GLIS3: variants seen among roughly 807,000 people sequenced by gnomAD.
The protein encoded by GLIS3 is GLIS family zinc finger 3, also known as zinc finger protein GLIS3.
Under a neutral mutation model 78.6 loss-of-function variants are expected in GLIS3, and 53 were observed. The observed-to-expected ratio is 0.67, with a 90% CI of 0.54 to 0.85. The LOEUF is 0.85. Ranked by LOEUF, GLIS3 falls within the 40% of genes least tolerant of loss-of-function variation. The pLI is 0.00. For synonymous variants in GLIS3, 684 were observed against 509.9 expected (o/e 1.34, Z -4.60); for missense variants, 1,703 against 1,231.1 (o/e 1.38, Z -5.74).
intron 2 of GLIS3, among the ~76,000 whole-genome samples, chr9:4,282,312 C>A (rs895233233): frequency 2.0e-5 from 3 of 152,206 alleles, no homozygotes; most frequent in African/African-American, 7.2e-5. Context: ...AGGTCCAACA[C>A]TACTCTGGGC....
chr9:4,161,578 G>T (rs977502933), intron 2 of GLIS3, among the ~76,000 whole-genome samples: 5 of 151,230 alleles, frequency 3.3e-5, no homozygotes, highest in Non-Finnish European at 5.9e-5. Context: ...TTCACTTGCT[G>T]TATTAGTTTT....
chr9:4,279,297 CA>C (rs56734583), intron 2 of GLIS3, among the ~76,000 whole-genome samples: 56,920 of 91,130 alleles, frequency 0.62, 19,922 homozygotes, highest in Middle Eastern at 0.78. Context: ...GACTCCATCT[CA>C]AAAAAAAAAA....
At chr9:3,986,227 G>A (rs753699176) in intron 4 of GLIS3, among the ~76,000 whole-genome samples, 12 of 152,228 alleles carry the variant, frequency 7.9e-5, no homozygotes, top group Middle Eastern at 3.4e-3. Flanking sequence ...AATACCTCTC[G>A]TGAGCAGAGA....
intron 6 of GLIS3, chr9:3,900,883 C>T (rs953900694): frequency 6.6e-6 from 1 of 152,146 alleles, no homozygotes; most frequent in East Asian, 1.9e-4. Context: ...CCCTGCGACA[C>T]ACAGGTCCAG....
chr9:3,829,817 C>G (rs1414902058), intron 9 of GLIS3, among the ~76,000 whole-genome samples: 1 of 152,128 alleles, frequency 6.6e-6, no homozygotes, highest in African/African-American at 2.4e-5. Flanking sequence ...GAGGTTCCTA[C>G]CCTAGACTCT....
At chr9:4,467,805 G>A in the GLIS3 span, among the ~76,000 whole-genome samples, 1 of 152,224 alleles carries the variant, frequency 6.6e-6, no homozygotes, top group East Asian at 1.9e-4. Flanking sequence ...GTTGAGAGAA[G>A]AAGGTTTCCG....
the GLIS3 span, among the ~76,000 whole-genome samples, chr9:4,405,593 T>C: frequency 6.6e-6 from 1 of 152,020 alleles, no homozygotes; most frequent in African/African-American, 2.4e-5. Flanking sequence ...AAAAGTCTCC[T>C]AGTAAAGAAA....
At chr9:4,212,903 T>A (rs1820497467) in intron 2 of GLIS3, among the ~76,000 whole-genome samples, 1 of 152,158 alleles carries the variant, frequency 6.6e-6, no homozygotes, top group Non-Finnish European at 1.5e-5. Flanking sequence ...AGTGCAGTGT[T>A]CTCAGCAAGT....
At chr9:4,342,811 C>T (rs1235746259) in intron 2 of GLIS3, among the ~76,000 whole-genome samples, 3 of 152,152 alleles carry the variant, frequency 2.0e-5, no homozygotes, top group African/African-American at 7.2e-5. Flanking sequence ...TCTTTTACCT[C>T]CCTGATTAGC....
At chr9:4,386,739 T>C in the GLIS3 span, among the ~76,000 whole-genome samples, 248 of 152,304 alleles carry the variant, frequency 1.6e-3, 7 homozygotes, top group South Asian at 0.049. Context: ...TACAAAGTCA[T>C]TTACTTGGCT....
chr9:4,381,324 A>C, the GLIS3 span, among the ~76,000 whole-genome samples: 44 of 152,214 alleles, frequency 2.9e-4, no homozygotes, highest in African/African-American at 9.6e-4. Context: ...TATTGCTTGC[A>C]GTATTTTCAT....
intron 4 of GLIS3, among the ~76,000 whole-genome samples, chr9:3,991,728 T>TTG (rs1820277613): frequency 7.0e-6 from 1 of 143,440 alleles, no homozygotes; most frequent in African/African-American, 2.7e-5. Context: ...TCTCACTCTG[T>TTG]CGCCCAGGCT....
intron 4 of GLIS3, among the ~76,000 whole-genome samples, chr9:4,011,218 G>T (rs889357294): frequency 6.6e-6 from 1 of 152,176 alleles, no homozygotes; most frequent in African/African-American, 2.4e-5. Flanking sequence ...TGTGCGCAGA[G>T]TACAAAGAGG....
chr9:3,862,252 G>C (rs911111876), intron 8 of GLIS3, among the ~76,000 whole-genome samples: 1 of 152,162 alleles, frequency 6.6e-6, no homozygotes, highest in Non-Finnish European at 1.5e-5. Flanking sequence ...GTGGGGTGAG[G>C]GGGGAATGAA....
intron 3 of GLIS3, 93 bp downstream of exon 3, chr9:4,125,633 AGTGTGTGT>A (rs71497518): frequency 7.3e-5 from 56 of 771,898 alleles, no homozygotes; most frequent in Non-Finnish European, 1.0e-4. Context: ...TAAGTGTATG[AGTGTGTGT>A]GTGTGTGTGT....
rs1444148917 is a variant in GLIS3, at chr9:3,824,930, A to T, written c.*3342T>A. 4.6e-5 allele frequency: 5 copies of T among 109,562 alleles called. No individual in the cohort carries two copies. In the East Asian group the frequency reaches 1.3e-3, roughly 29 times the overall value. 6.8% of individuals were successfully genotyped at this position (109,562 alleles called of 1,614,324 possible). A position where few individuals can be genotyped will look rare whatever the true frequency, so the allele number is the denominator to read the frequency against. ...TTGCTTCATCTGTTGCAAAAAAAAAAAAAAATAATAACCGCAGAAATTCCA... is the reference window on the plus strand; with the variant it reads ...TTGCTTCATCTGTTGCAAAAAAAAATAAAAATAATAACCGCAGAAATTCCA... On this transcript the variant is annotated 3_prime_UTR_variant, in exon 11 of 11. Coordinates refer to ENST00000381971, the MANE Select transcript of GLIS3 (RefSeq NM_001042413.2).
the GLIS3 span, among the ~76,000 whole-genome samples, chr9:4,431,867 A>G: frequency 1.8e-3 from 264 of 148,068 alleles, 3 homozygotes; most frequent in African/African-American, 6.1e-3. Flanking sequence ...AAAAAAAGCC[A>G]TATAGTAAGT....
intron 9 of GLIS3, among the ~76,000 whole-genome samples, chr9:3,852,493 A>T (rs1266527549): frequency 1.3e-5 from 2 of 152,210 alleles, no homozygotes; most frequent in Admixed American, 6.5e-5. Flanking sequence ...AACTCCAGCA[A>T]ACTCGTCCAA....
the GLIS3 span, among the ~76,000 whole-genome samples, chr9:4,423,938 C>A: frequency 6.6e-6 from 1 of 152,162 alleles, no homozygotes; most frequent in Admixed American, 6.5e-5. Flanking sequence ...CAAACAATGA[C>A]CCTAATCCAC....
Sources: allele counts gnomAD v4.1 joint callset (sites outside exome capture counted in the v4.1 genomes callset), GRCh38; gene constraint gnomAD v4.1.1; transcripts MANE v1.5; gene names NCBI Gene and HGNC (gene_info 2026-07-23, HGNC 2026-07-21).